Variants in OXSR1 observed in about 807,000 individuals in gnomAD.
OXSR1 encodes the protein serine/threonine-protein kinase OSR1.
A neutral mutation model predicts 79.8 loss-of-function variants in OXSR1; 24 were observed. The observed-to-expected ratio is 0.30, with a 90% CI of 0.22 to 0.42. OXSR1 has a LOEUF of 0.42. Ranked by LOEUF, OXSR1 falls within the 10% of genes least tolerant of loss-of-function variation. The probability of loss-of-function intolerance (pLI) is 1.00; values close to 1 mark genes in which losing one functional copy is unlikely to be tolerated. For synonymous variants in OXSR1, 226 were observed against 209.2 expected (o/e 1.08, Z -0.69); for missense variants, 430 against 618.4 (o/e 0.70, Z 3.23).
intron 8 of OXSR1, among the ~76,000 whole-genome samples, chr3:38,229,091 T>G (rs1186610671): frequency 6.6e-6 from 1 of 152,204 alleles, no homozygotes; most frequent in Non-Finnish European, 1.5e-5. Flanking sequence ...GTGTCTTTAC[T>G]TAAAAGGAAA....
intron 5 of OXSR1, among the ~76,000 whole-genome samples, chr3:38,221,232 A>G (rs1414676179): frequency 6.6e-6 from 1 of 151,570 alleles, no homozygotes; most frequent in Non-Finnish European, 1.5e-5. Flanking sequence ...GAAGATGATG[A>G]TATGTGGGGG....
intron 8 of OXSR1, among the ~76,000 whole-genome samples, chr3:38,227,512 G>A (rs1040519129): frequency 6.6e-6 from 1 of 151,032 alleles, no homozygotes; most frequent in African/African-American, 2.4e-5. Context: ...AGGGTAGACT[G>A]AGAAGGTTCA....
intron 3 of OXSR1, among the ~76,000 whole-genome samples, chr3:38,191,844 T>C (rs1701989816): frequency 6.6e-6 from 1 of 152,234 alleles, no homozygotes; most frequent in Admixed American, 6.5e-5. Flanking sequence ...GAGTCAGTTA[T>C]TTCATCAGGG....
intron 10 of OXSR1, among the ~76,000 whole-genome samples, chr3:38,232,458 A>T (rs2125843981): frequency 6.6e-6 from 1 of 152,004 alleles, no homozygotes; most frequent in East Asian, 1.9e-4. Context: ...AAGAACTGTT[A>T]AGAGAATAAA....
At chr3:38,215,865 T>C (rs1368399344) in intron 4 of OXSR1, among the ~76,000 whole-genome samples, 1 of 152,184 alleles carries the variant, frequency 6.6e-6, no homozygotes, top group Non-Finnish European at 1.5e-5. Flanking sequence ...GAATATTTGA[T>C]CACTTGTGTT....
intron 4 of OXSR1, among the ~76,000 whole-genome samples, chr3:38,211,414 T>C (rs985798954): frequency 2.0e-5 from 3 of 152,148 alleles, no homozygotes; most frequent in Non-Finnish European, 4.4e-5. Context: ...ATTCCTTTTG[T>C]TCCTATAAAA....
At chr3:38,166,789 CAAAAAAAA>C (rs915290107) in intron 1 of OXSR1, among the ~76,000 whole-genome samples, 3 of 63,824 alleles carry the variant, frequency 4.7e-5, no homozygotes, top group Non-Finnish European at 9.3e-5. Context: ...GACTCTGACT[CAAAAAAAA>C]AAAAAAAAAA....
intron 12 of OXSR1, among the ~76,000 whole-genome samples, chr3:38,245,822 A>C (rs1412281220): frequency 6.6e-6 from 1 of 152,196 alleles, no homozygotes. Flanking sequence ...TGGTACAAAA[A>C]TCGCCAAATT....
intron 2 of OXSR1, 69 bp downstream of exon 2, chr3:38,183,184 T>G: frequency 1.5e-6 from 1 of 656,172 alleles, no homozygotes; most frequent in Admixed American, 3.7e-5. Flanking sequence ...GGGAAATAAC[T>G]TGAAGTTTTT....
intron 2 of OXSR1, among the ~76,000 whole-genome samples, chr3:38,187,943 A>T (rs1290704086): frequency 1.3e-5 from 2 of 152,080 alleles, no homozygotes; most frequent in East Asian, 3.9e-4. Context: ...TTAAGTCAGT[A>T]TTCATATACC....
chr3:38,201,384 A>G (rs888147831), intron 4 of OXSR1, among the ~76,000 whole-genome samples: 1 of 151,742 alleles, frequency 6.6e-6, no homozygotes, highest in South Asian at 2.1e-4. Context: ...CAACATAGTG[A>G]GACCTTGTCT....
chr3:38,245,155 T>A (rs973881616), intron 12 of OXSR1, among the ~76,000 whole-genome samples: 2 of 152,178 alleles, frequency 1.3e-5, no homozygotes, highest in African/African-American at 4.8e-5. Flanking sequence ...TTATTCCTTG[T>A]CTCCTTGATT....
chr3:38,202,440 CATG>C (rs1379221736), intron 4 of OXSR1, among the ~76,000 whole-genome samples: 2 of 152,026 alleles, frequency 1.3e-5, no homozygotes, highest in Admixed American at 1.3e-4. Context: ...AGTGTAGTGG[CATG>C]ATTGTAGCTC....
Position 38,254,287 on chromosome 3 carries a change from T to A in OXSR1, c.*1396T>A. 2.5e-6 allele frequency: 1 copy of A among 398,706 alleles called. No individual in the cohort carries two copies. Among genetic ancestry groups the A allele is most frequent in the East Asian group, 3.6e-5 (1 of 28,068 alleles). 24.7% of individuals were successfully genotyped at this position (398,706 alleles called of 1,614,324 possible). On this transcript the variant is annotated 3_prime_UTR_variant, in exon 18 of 18. Coordinates refer to ENST00000311806, the MANE Select transcript of OXSR1 (RefSeq NM_005109.3). ...AACAAGGTTGTTTTACCTTATTTTCTCTTGGAACATATCTGAAAACCTTCC... is the reference window on the plus strand; with the variant it reads ...AACAAGGTTGTTTTACCTTATTTTCACTTGGAACATATCTGAAAACCTTCC...
At chr3:38,182,704 T>C (rs1360172716) in intron 1 of OXSR1, among the ~76,000 whole-genome samples, 1 of 152,200 alleles carries the variant, frequency 6.6e-6, no homozygotes, top group East Asian at 1.9e-4. Context: ...GAATTATTTT[T>C]AGGCTATTTA....
At chr3:38,219,136 G>T (rs1379945173) in intron 5 of OXSR1, among the ~76,000 whole-genome samples, 2 of 152,084 alleles carry the variant, frequency 1.3e-5, no homozygotes, top group Non-Finnish European at 2.9e-5. Flanking sequence ...AGCTGTGCAG[G>T]TTATTTAACA....
At position 38,201,481 on chromosome 3, in the gene OXSR1, C is replaced by T. The variant is rs560329761; in HGVS notation, c.434+2618C>T. Among the ~76,000 whole-genome samples the T allele has an allele frequency of 2.0e-3, 300 of 152,098 alleles. 1 individual carries two copies. The highest frequency in any genetic ancestry group is 3.4e-3 in the Middle Eastern group (1 of 294). ...ATCCCAGCACTTTGGGAGGCTGAGG[C>T]GGGCGGATCATGAGGTCAGAAGATT... is the stretch of plus-strand genomic sequence containing the variant. On this transcript the variant is annotated intron_variant, in intron 4 of 17. Transcript: ENST00000311806.
At position 38,254,171 on chromosome 3, in the gene OXSR1, A is replaced by T. The variant is rs1575382376; in HGVS notation, c.*1280A>T. ...GGATACTCAATCTGGCCTTAAAAAGATACACAAAGATGGGCTGTGGGTCCC... is the reference window on the plus strand; with the variant it reads ...GGATACTCAATCTGGCCTTAAAAAGTTACACAAAGATGGGCTGTGGGTCCC... On this transcript the variant is annotated 3_prime_UTR_variant, in exon 18 of 18. Transcript: ENST00000311806. 1 of 398,874 alleles carries T rather than the reference A, an allele frequency of 2.5e-6. No individual in the cohort carries two copies. The highest frequency in any genetic ancestry group is 3.6e-5 in the East Asian group (1 of 28,074). The allele number at this position is 398,874 out of a possible 1,614,324, so 24.7% of individuals were successfully genotyped here. A position where few individuals can be genotyped will look rare whatever the true frequency, so the allele number is the denominator to read the frequency against.
At chr3:38,244,637 CTGTGTGTGTGTGTG>C (rs112035003) in intron 12 of OXSR1, among the ~76,000 whole-genome samples, 2 of 99,400 alleles carry the variant, frequency 2.0e-5, no homozygotes, top group African/African-American at 3.2e-5. Context: ...TAATATTCCT[CTGTGTGTGTGTGTG>C]TGTGTGTGTG....
Sources: allele counts gnomAD v4.1 joint callset (sites outside exome capture counted in the v4.1 genomes callset), GRCh38; gene constraint gnomAD v4.1.1; transcripts MANE v1.5; gene names NCBI Gene and HGNC (gene_info 2026-07-23, HGNC 2026-07-21).